CLCN7: variants seen among roughly 807,000 people sequenced by gnomAD.
CLCN7 encodes the protein H(+)/Cl(-) exchange transporter 7.
A neutral mutation model predicts 102.1 loss-of-function variants in CLCN7; 60 were observed. That is an observed-to-expected ratio of 0.59 (90% confidence interval 0.48 to 0.73). The LOEUF (loss-of-function observed/expected upper bound fraction) is 0.73. Ranked by LOEUF, CLCN7 falls within the 30% of genes least tolerant of loss-of-function variation. The pLI, the probability that CLCN7 is intolerant of heterozygous loss-of-function variation, is 0.00. For missense variants in CLCN7, 962 were observed against 1,125.7 expected, an observed-to-expected ratio of 0.85 and a Z score of 2.08; for synonymous variants, 560 against 490.5, an observed-to-expected ratio of 1.14 and a Z score of -1.87.
chr16:1,466,850 C>G (rs1417655232), intron 1 of CLCN7: 1 of 139,554 alleles, frequency 7.2e-6, no homozygotes, highest in Non-Finnish European at 1.5e-5. Context: ...CGCTTGAAGC[C>G]GGGAGGTGGA....
rs2038825927 is a variant in CLCN7, at chr16:1,455,784, A to G, written c.928T>C (p.Phe310Leu). The change falls in exon 11 of 25, where the codon TTC becomes CTC. Residue 310 changes from phenylalanine (F) to leucine (L), a missense_variant. Physicochemically the swap from Phe to Leu is conservative, Grantham distance 22. Transcript: ENST00000382745. ...AFGAPVGGVL[F>L]SLEEGASFWN... The stretch of plus-strand genomic sequence containing the variant: ...AAGGACGCACCCTCCTCCAAGCTGA[A>G]CAGGACCCCACCTGGAAGGCAGGCG... 1.2e-6 allele frequency: 2 copies of G among 1,613,566 alleles called. No individual in the cohort carries two copies. The highest frequency in any genetic ancestry group is 2.7e-5 in the African/African-American group (2 of 75,058).
chr16:1,449,121 C>T (rs749153900), intron 18 of CLCN7, 28 bp from the exon 19 acceptor site: 38 of 1,612,384 alleles, frequency 2.4e-5, no homozygotes, highest in Middle Eastern at 3.3e-4. Flanking sequence ...AACCCCAGCA[C>T]GTCCACCCTC....
At chr16:1,456,035 G>T in intron 10 of CLCN7, 78 bp downstream of exon 10, 4 of 1,251,244 alleles carry the variant, frequency 3.2e-6, no homozygotes, top group Non-Finnish European at 4.5e-6. Flanking sequence ...AGCGGGCACT[G>T]GGCCTACAGA....
At chr16:1,451,891 C>T in intron 15 of CLCN7, 175 bp from the exon 16 acceptor site, 1 of 635,638 alleles carries the variant, frequency 1.6e-6, no homozygotes, top group Non-Finnish European at 2.9e-6. Flanking sequence ...AAGGAGGACA[C>T]ACAAGGCCCA....
At chr16:1,474,310 CG>C (rs1281537324) in intron 1 of CLCN7, 1 of 420,292 alleles carries the variant, frequency 2.4e-6, no homozygotes, top group Non-Finnish European at 4.8e-6. Flanking sequence ...ACCTGAAAGT[CG>C]GGACTGATCC....
At chr16:1,466,496 G>A (rs1166589926) in intron 1 of CLCN7, 1 of 152,438 alleles carries the variant, frequency 6.6e-6, no homozygotes, top group African/African-American at 2.4e-5. Flanking sequence ...CTATCCACGG[G>A]GATCACGATT....
At chr16:1,462,671 A>AAAAC (rs60362649) in intron 2 of CLCN7, among the ~76,000 whole-genome samples, 2,287 of 59,256 alleles carry the variant, frequency 0.039, 47 homozygotes, top group African/African-American at 0.075. Context: ...AAGCCAAAAA[A>AAAAC]AAAAAAAAAA....
At position 1,446,526 on chromosome 16, in the gene CLCN7, C is replaced by T. The variant is rs1329928230; in HGVS notation, c.*105G>A. ...CCAGCTGCAGGGTGCTCGCCATTGC[C>T]ACTGCTGGGGAGCATGGTTTGGGCC... On this transcript the variant is annotated 3_prime_UTR_variant, in exon 25 of 25. Coordinates refer to ENST00000382745, the MANE Select transcript of CLCN7 (RefSeq NM_001287.6). 2 of 1,070,662 alleles carry T rather than the reference C, an allele frequency of 1.9e-6. No individual in the cohort carries two copies. 66.3% of individuals were successfully genotyped at this position (1,070,662 alleles called of 1,614,324 possible).
chr16:1,456,864 A>T (rs1013268423), intron 9 of CLCN7, among the ~76,000 whole-genome samples: 12 of 151,808 alleles, frequency 7.9e-5, no homozygotes, highest in African/African-American at 1.2e-4. Context: ...ATACAATCAC[A>T]CACAAATGCA....
chr16:1,449,421 G>A, intron 17 of CLCN7, 94 bp from the exon 18 acceptor site: 2 of 1,219,770 alleles, frequency 1.6e-6, no homozygotes, highest in Non-Finnish European at 2.4e-6. Context: ...AGGCCCAGCA[G>A]CCCCACAGCC....
In CLCN7 at chr16:1,456,893, T is replaced by C. The variant is rs1458983007; in HGVS notation, c.822+361A>G. On this transcript the variant is annotated intron_variant, in intron 9 of 24. Transcript: ENST00000382745. ...AAATGCAGCTCAATCCCCATCAACATGCTGGGGACTTTTTTGGGGAAAAAG... is the reference window on the plus strand; with the variant it reads ...AAATGCAGCTCAATCCCCATCAACACGCTGGGGACTTTTTTGGGGAAAAAG... Among the ~76,000 whole-genome samples the C allele has an allele frequency of 3.3e-5, 5 of 151,190 alleles. No homozygotes were observed. The East Asian group carries it at 9.7e-4, about 29-fold the overall frequency.
rs1405357965 is a variant in CLCN7 at position 1,447,019 on chromosome 16, TCCA to T, written c.2315_2317del (p.Val772del). On this transcript the variant is annotated inframe_deletion, in exon 24 of 25. Coordinates refer to ENST00000382745, the MANE Select transcript of CLCN7 (RefSeq NM_001287.6). ...GCCCCCGCTCACCTGATTGCGGTTG[TCCA>T]CCACCACCAGGTGCCGCAGGCCCAG... is the stretch of plus-strand genomic sequence containing the variant. 6.3e-7 allele frequency: 1 copy of T among 1,598,656 alleles called. No homozygotes were observed. The highest frequency in any genetic ancestry group is 8.5e-7 in the Non-Finnish European group (1 of 1,176,360).
intron 16 of CLCN7, among the ~76,000 whole-genome samples, chr16:1,451,067 C>A (rs991228648): frequency 7.9e-5 from 12 of 152,236 alleles, no homozygotes; most frequent in Non-Finnish European, 1.5e-4. Context: ...CACTGTACTG[C>A]GTGCAGGGCG....
chr16:1,454,496 G>A lies in CLCN7; in HGVS notation c.1099-31C>T, dbSNP rs73492054. On this transcript the variant is annotated intron_variant, in intron 12 of 24. Transcript: ENST00000382745. ...CAGAGAGAGGGAGAAGGCAGAGGATGTGAGGGAAAAGGCCCACAGCTCCTT... is the reference window on the plus strand; with the variant it reads ...CAGAGAGAGGGAGAAGGCAGAGGATATGAGGGAAAAGGCCCACAGCTCCTT... 1,180 of 1,606,380 alleles carry A rather than the reference G, an allele frequency of 7.3e-4. 10 individuals carry two copies. In the African/African-American group the frequency reaches 0.014, roughly 19 times the overall value.
At chr16:1,459,262 C>CT in intron 6 of CLCN7, 75 bp from the exon 7 acceptor site, 1 of 1,363,790 alleles carries the variant, frequency 7.3e-7, no homozygotes, top group Non-Finnish European at 1.0e-6. Context: ...CCCAGGAGCC[C>CT]CAGGAGCTGA....
intron 5 of CLCN7, 79 bp from the exon 6 acceptor site, chr16:1,460,606 G>C: frequency 7.5e-7 from 1 of 1,340,676 alleles, no homozygotes. Flanking sequence ...CCACAGACCA[G>C]CCTGGCAGAT....
intron 15 of CLCN7, 189 bp downstream of exon 15, chr16:1,452,566 C>T (rs1475808982): frequency 4.8e-6 from 3 of 631,398 alleles, no homozygotes; most frequent in African/African-American, 1.8e-5. Context: ...TCCCCTGGCA[C>T]CTCAGCAGAC....
intron 21 of CLCN7, 128 bp from the exon 22 acceptor site, chr16:1,447,842 T>C (rs2038678518): frequency 9.7e-7 from 1 of 1,028,066 alleles, no homozygotes; most frequent in East Asian, 2.6e-5. Flanking sequence ...CCCGTGTCGG[T>C]GGCTACCTGC....
At position 1,451,730 on chromosome 16, in the gene CLCN7, A is replaced by G; in HGVS notation, c.1354-14T>C. The G allele has an allele frequency of 6.2e-7, 1 of 1,608,434 alleles. No homozygotes were observed. The highest frequency in any genetic ancestry group is 8.5e-7 in the Non-Finnish European group (1 of 1,176,894). ...TGCACAAAAGAGCTGTGGGGTCGGG[A>G]GAGAGCACACGTTGGGAGGGGAGAT... On this transcript the variant is annotated splice_polypyrimidine_tract_variant and intron_variant, in intron 15 of 24. Transcript: ENST00000382745.
Sources: gnomAD v4.1 joint callset for allele counts (sites outside exome capture counted in the v4.1 genomes callset) on GRCh38, gnomAD v4.1.1 for gene constraint, MANE v1.5 for transcripts, NCBI Gene and HGNC (gene_info 2026-07-23, HGNC 2026-07-21) for gene names.